RANBP2: variants seen among roughly 807,000 people sequenced by gnomAD.
The protein encoded by RANBP2 is RAN binding protein 2, also known as E3 SUMO-protein ligase RanBP2.
A neutral mutation model predicts 303.6 loss-of-function variants in RANBP2; 57 were observed. The observed-to-expected ratio is 0.19, with a 90% confidence interval of 0.15 to 0.23. The LOEUF (loss-of-function observed/expected upper bound fraction) is 0.23, where lower values mean the gene tolerates loss of function less well. Among genes scored for constraint, RANBP2 ranks in the 10% least tolerant of loss-of-function variants. The probability of loss-of-function intolerance (pLI) is 1.00; values close to 1 mark genes in which losing one functional copy is unlikely to be tolerated. For synonymous variants in RANBP2, 1,167 were observed against 1,301.5 expected, an observed-to-expected ratio of 0.90 and a Z score of 2.23; for missense variants, 3,138 against 3,780.8, an observed-to-expected ratio of 0.83 and a Z score of 4.46.
the RANBP2 span, among the ~76,000 whole-genome samples, chr2:109,197,960 G>C: frequency 6.6e-6 from 1 of 152,250 alleles, no homozygotes; most frequent in East Asian, 1.9e-4. Context: ...ATCTGGGTGA[G>C]GCCCAGGAGG....
the RANBP2 span, among the ~76,000 whole-genome samples, chr2:109,050,690 A>C: frequency 4.6e-5 from 7 of 151,736 alleles, no homozygotes; most frequent in Non-Finnish European, 5.9e-5. Flanking sequence ...CTCTCCAGGC[A>C]CCTAACACTT....
At chr2:109,029,943 C>T in the RANBP2 span, among the ~76,000 whole-genome samples, 1 of 152,206 alleles carries the variant, frequency 6.6e-6, no homozygotes, top group East Asian at 1.9e-4. Context: ...CTTGACTTGA[C>T]AAGGATCCTG....
chr2:108,830,880 G>A, the RANBP2 span, among the ~76,000 whole-genome samples: 3,370 of 151,156 alleles, frequency 0.022, 119 homozygotes, highest in African/African-American at 0.078. Context: ...TGACATTTTG[G>A]CCAGGACAAC....
intron 1 of RANBP2, chr2:108,719,951 C>T (rs1419119268): frequency 1.0e-6 from 1 of 985,050 alleles, no homozygotes; most frequent in Admixed American, 6.2e-5. Context: ...CTCCTGGGGC[C>T]GCCCTGGCCC....
the RANBP2 span, among the ~76,000 whole-genome samples, chr2:109,296,220 C>A: frequency 2.0e-5 from 3 of 148,808 alleles, no homozygotes; most frequent in Non-Finnish European, 4.4e-5. Flanking sequence ...AACAGAATGA[C>A]CTAGTATTAT....
chr2:108,782,492 A>G, intron 27 of RANBP2, 36 bp from the exon 28 acceptor site: 1 of 1,613,130 alleles, frequency 6.2e-7, no homozygotes, highest in Non-Finnish European at 8.5e-7. Context: ...TTATTTTAAT[A>G]CTAAGGTCAC....
chr2:109,561,872 AG>A, the RANBP2 span, among the ~76,000 whole-genome samples: 1 of 152,230 alleles, frequency 6.6e-6, no homozygotes, highest in Non-Finnish European at 1.5e-5. Flanking sequence ...ATCCTTAGCC[AG>A]GTGTGATCCA....
chr2:109,633,419 CAAAACAAAAA>C, the RANBP2 span, among the ~76,000 whole-genome samples: 1 of 150,838 alleles, frequency 6.6e-6, no homozygotes, highest in African/African-American at 2.5e-5. Flanking sequence ...CAAAACAAAA[CAAAACAAAAA>C]AACAGACAGA....
At chr2:109,037,892 A>G in the RANBP2 span, among the ~76,000 whole-genome samples, 1 of 152,234 alleles carries the variant, frequency 6.6e-6, no homozygotes, top group African/African-American at 2.4e-5. Flanking sequence ...TTGATTAATA[A>G]GTTTAATACA....
At chr2:108,926,486 G>C in the RANBP2 span, among the ~76,000 whole-genome samples, 1 of 152,158 alleles carries the variant, frequency 6.6e-6, no homozygotes, top group Non-Finnish European at 1.5e-5. Context: ...CAGATTCCCA[G>C]ATGTTCATTT....
the RANBP2 span, among the ~76,000 whole-genome samples, chr2:109,554,016 T>C: frequency 1.3e-5 from 2 of 152,220 alleles, no homozygotes; most frequent in East Asian, 1.9e-4. Context: ...GTTCGTATGG[T>C]ATATTTCTGG....
chr2:109,602,082 C>T, the RANBP2 span, among the ~76,000 whole-genome samples: 2 of 152,184 alleles, frequency 1.3e-5, no homozygotes, highest in Admixed American at 6.5e-5. Context: ...GCACTGAGCT[C>T]AGACCCTGGA....
the RANBP2 span, chr2:109,553,194 T>C: frequency 1.2e-6 from 2 of 1,614,122 alleles, no homozygotes; most frequent in Non-Finnish European, 1.7e-6. Context: ...AACTCATGTC[T>C]TTTGGCTTCA....
At chr2:109,116,325 C>T in the RANBP2 span, among the ~76,000 whole-genome samples, 10 of 152,190 alleles carry the variant, frequency 6.6e-5, no homozygotes, top group South Asian at 1.2e-3. Flanking sequence ...AGGCTTTGTT[C>T]GTTTCTTTTT....
At chr2:109,459,025 C>T in the RANBP2 span, among the ~76,000 whole-genome samples, 1 of 152,210 alleles carries the variant, frequency 6.6e-6, no homozygotes, top group East Asian at 1.9e-4. Flanking sequence ...CATACTTCTG[C>T]CTAATATGAT....
At chr2:109,473,546 G>A in the RANBP2 span, among the ~76,000 whole-genome samples, 7 of 152,204 alleles carry the variant, frequency 4.6e-5, no homozygotes, top group African/African-American at 1.7e-4. Flanking sequence ...AGAGAGGAGA[G>A]AGAAATAAAC....
At chr2:108,900,490 G>GTTGCA in the RANBP2 span, among the ~76,000 whole-genome samples, 34 of 151,504 alleles carry the variant, frequency 2.2e-4, 1 homozygote, top group East Asian at 2.0e-4. Flanking sequence ...GGAGGCAGAG[G>GTTGCA]TTGCAGTGAG....
chr2:109,071,617 C>T, the RANBP2 span, among the ~76,000 whole-genome samples: 2 of 151,432 alleles, frequency 1.3e-5, no homozygotes, highest in Non-Finnish European at 2.9e-5. Flanking sequence ...GAGGTTGCAG[C>T]GAGCCAAGAT....
the RANBP2 span, among the ~76,000 whole-genome samples, chr2:109,332,290 T>G: frequency 9.2e-5 from 14 of 152,222 alleles, no homozygotes; most frequent in African/African-American, 3.1e-4. Context: ...GCACGCCAAC[T>G]CTCTCCTGAG....
Sources: gnomAD v4.1 joint callset for allele counts (sites outside exome capture counted in the v4.1 genomes callset) on GRCh38, gnomAD v4.1.1 for gene constraint, MANE v1.5 for transcripts, NCBI Gene and HGNC (gene_info 2026-07-23, HGNC 2026-07-21) for gene names.